Variants in FOXC1 observed in about 807,000 individuals in gnomAD.
The protein encoded by FOXC1 is forkhead box C1.
In FOXC1, 5 loss-of-function variants were observed where a neutral mutation model predicts 8.1. That is an observed-to-expected ratio of 0.62 (90% CI 0.32 to 1.30). FOXC1 has a LOEUF of 1.30. FOXC1 is among the 50% of genes most tolerant of loss of function. FOXC1 has a pLI of 0.05. For missense variants in FOXC1, 942 were observed against 858.0 expected, an observed-to-expected ratio of 1.10 and a Z score of -1.22; for synonymous variants, 552 against 417.2, an observed-to-expected ratio of 1.32 and a Z score of -3.94.
In FOXC1 at chr6:1,611,275, T is replaced by A; in HGVS notation, c.830T>A (p.Leu277Gln). 1 of 1,387,564 alleles carries A rather than the reference T, an allele frequency of 7.2e-7. No individual in the cohort carries two copies. The highest frequency in any genetic ancestry group is 9.3e-7 in the Non-Finnish European group (1 of 1,072,918). The allele number at this position is 1,387,564 out of a possible 1,614,324, so 86.0% of individuals were successfully genotyped here. A position where few individuals can be genotyped will look rare whatever the true frequency, so the allele number is the denominator to read the frequency against. The change falls in exon 1 of 1, where the codon CTG becomes CAG. Residue 277 changes from leucine to glutamine, a missense_variant. By Grantham distance (113) the Leu-to-Gln change is moderately radical. This residue lies in a region of FOXC1 where 726 missense variants were observed against 599.6 expected (regional missense o/e 1.21). Coordinates refer to ENST00000645831, the MANE Select transcript of FOXC1 (RefSeq NM_001453.3). The surrounding 1 kb of genome is among the most constrained non-coding windows in gnomAD (Gnocchi z 7.1). ...LSSGSSPPGS[L>Q]PSARPLSLDG... ...AGCGGGAGCAGCCCCCCGGGCAGCC[T>A]GCCGTCGGCGCGGCCGCTCAGCCTG...
Position 1,610,641 on chromosome 6 carries a change from C to A in FOXC1, c.196C>A (p.Pro66Thr), listed in dbSNP as rs780155404. Residue 66 changes from proline (P) to threonine (T), a missense_variant, in exon 1 of 1, where the codon CCC (proline) becomes ACC (threonine). By Grantham distance (38) the Pro-to-Thr change is conservative. Around this residue, in one of 4 missense-constraint regions of FOXC1, gnomAD observed 190 missense variants for 176.8 expected, o/e 1.07. Coordinates refer to ENST00000645831, the MANE Select transcript of FOXC1 (RefSeq NM_001453.3). The stretch of plus-strand genomic sequence containing the variant: ...GGGCGGCATGGCCCGCGCCTACGGG[C>A]CCTACACGCCGCAGCCGCAGCCCAA... ...YPGGMARAYG[P>T]YTPQPQPKDM... The A allele has an allele frequency of 7.4e-6, 12 of 1,612,880 alleles. No homozygotes were observed. The South Asian group carries it at 1.2e-4, about 16-fold the overall frequency.
chr6:1,611,101 C>T lies in FOXC1; in HGVS notation c.656C>T (p.Pro219Leu), dbSNP rs1328455307. ...GGCAACGCGCCCGGTCCGCAGCCGC[C>T]GCCCGTGCGCATCCAGGACATCAAG... ...ADGNAPGPQP[P>L]PVRIQDIKTE... Residue 219 changes from proline to leucine, a missense_variant, in exon 1 of 1, where the codon CCG (proline) becomes CTG (leucine). Physicochemically the swap from Pro to Leu is moderately conservative, Grantham distance 98. Coordinates refer to ENST00000645831, the MANE Select transcript of FOXC1 (RefSeq NM_001453.3). This position sits in a 1 kb window ranked among gnomAD's most constrained non-coding sequence, Gnocchi z 7.1. 7.3e-7 allele frequency: 1 copy of T among 1,375,918 alleles called. No individual in the cohort carries two copies. The highest frequency in any genetic ancestry group is 1.7e-5 in the South Asian group (1 of 59,940). 85.2% of individuals were successfully genotyped at this position (1,375,918 alleles called of 1,614,324 possible).
chr6:1,611,476 T>C lies in FOXC1; in HGVS notation c.1031T>C (p.Ile344Thr). ...ASAAASSRAGIAPPLALGAYS... is the reference protein window; with the variant it reads ...ASAAASSRAGTAPPLALGAYS... ...GCGGCCGCGTCCTCGCGCGCGGGGA[T>C]CGCACCCCCGCTGGCGCTCGGCGCC... is the stretch of plus-strand genomic sequence containing the variant. The change falls in exon 1 of 1, where the codon ATC becomes ACC. Residue 344 changes from isoleucine to threonine, a missense_variant. Physicochemically the swap from Ile to Thr is moderately conservative, Grantham distance 89. Around this residue, in one of 4 missense-constraint regions of FOXC1, gnomAD observed 726 missense variants for 599.6 expected, o/e 1.21. Coordinates refer to ENST00000645831, the MANE Select transcript of FOXC1 (RefSeq NM_001453.3). This position sits in a 1 kb window ranked among gnomAD's most constrained non-coding sequence, Gnocchi z 7.1. 40 of 1,382,092 alleles carry C rather than the reference T, an allele frequency of 2.9e-5. No individual in the cohort carries two copies. The highest frequency in any genetic ancestry group is 3.7e-5 in the Non-Finnish European group (39 of 1,064,448). 85.6% of individuals were successfully genotyped at this position (1,382,092 alleles called of 1,614,324 possible). A position where few individuals can be genotyped will look rare whatever the true frequency, so the allele number is the denominator to read the frequency against.
rs1281926598 is a variant in FOXC1, at chr6:1,611,633, C to T, written c.1188C>T (p.Asn396=). Residue 396 remains asparagine, a synonymous_variant, in exon 1 of 1, where the codon AAC becomes AAT. Transcript: ENST00000645831. The surrounding 1 kb of genome is among the most constrained non-coding windows in gnomAD (Gnocchi z 7.1). ...GAGGAGTYHC[N]LQAMSLYAAG... ...GCGGCGCCGGGACCTACCACTGCAA[C>T]CTGCAAGCCATGAGCCTGTACGCGG... is the stretch of plus-strand genomic sequence containing the variant. The T allele has an allele frequency of 3.8e-6, 5 of 1,306,058 alleles. No individual in the cohort carries two copies. The highest frequency in any genetic ancestry group is 4.8e-6 in the Non-Finnish European group (5 of 1,035,574). The allele number at this position is 1,306,058 out of a possible 1,614,324, so 80.9% of individuals were successfully genotyped here. A position where few individuals can be genotyped will look rare whatever the true frequency, so the allele number is the denominator to read the frequency against.
chr6:1,611,782 A>ACAG lies in FOXC1; in HGVS notation c.1338_1339insAGC (p.His446_Gly447insSer). The ACAG allele has an allele frequency of 1.4e-6, 2 of 1,440,562 alleles. No individual in the cohort carries two copies. Among genetic ancestry groups the ACAG allele is most frequent in the South Asian group, 1.4e-5 (1 of 73,774 alleles). 89.2% of individuals were successfully genotyped at this position (1,440,562 alleles called of 1,614,324 possible). On this transcript the variant is annotated inframe_insertion, in exon 1 of 1. Coordinates refer to ENST00000645831, the MANE Select transcript of FOXC1 (RefSeq NM_001453.3). The surrounding 1 kb of genome is among the most constrained non-coding windows in gnomAD (Gnocchi z 7.1). ...AGCAGCAGCTCGTCGTCCCTGAGTC[A>ACAG]CGGCGGCGGCGGCGGCGGCGGCGGG...
Position 1,611,317 on chromosome 6 carries a change from C to A in FOXC1, c.872C>A (p.Ala291Glu). 7.1e-7 allele frequency: 1 copy of A among 1,408,190 alleles called. No homozygotes were observed. The highest frequency in any genetic ancestry group is 1.4e-5 in the South Asian group (1 of 71,596). The allele number at this position is 1,408,190 out of a possible 1,614,324, so 87.2% of individuals were successfully genotyped here. A position where few individuals can be genotyped will look rare whatever the true frequency, so the allele number is the denominator to read the frequency against. Residue 291 changes from alanine (A) to glutamate (E), a missense_variant, in exon 1 of 1, where the codon GCG becomes GAG. Physicochemically the swap from Ala to Glu is moderately radical, Grantham distance 107. Coordinates refer to ENST00000645831, the MANE Select transcript of FOXC1 (RefSeq NM_001453.3). This position sits in a 1 kb window ranked among gnomAD's most constrained non-coding sequence, Gnocchi z 7.1. ...CTCAGCCTGGACGGTGCGGATTCCG[C>A]GCCGCCGCCGCCCGCGCCCTCCGCC... is the stretch of plus-strand genomic sequence containing the variant. ...RPLSLDGADS[A>E]PPPPAPSAPP...
In FOXC1 at chr6:1,612,578, C is replaced by T. The variant is rs533280855; in HGVS notation, c.*471C>T. On this transcript the variant is annotated 3_prime_UTR_variant, in exon 1 of 1. Transcript: ENST00000645831. ...TTATGAAAGTCGCTTTCTTTTTATT[C>T]ATGGACTTGTTTTAAAATGTAAATT... 4.0e-6 allele frequency: 1 copy of T among 246,948 alleles called. No homozygotes were observed. Among genetic ancestry groups the T allele is most frequent in the African/African-American group, 2.2e-5 (1 of 44,990 alleles). The allele number at this position is 246,948 out of a possible 1,614,324, so 15.3% of individuals were successfully genotyped here. A position where few individuals can be genotyped will look rare whatever the true frequency, so the allele number is the denominator to read the frequency against.
rs1463929637 is a variant in FOXC1 at position 1,610,787 on chromosome 6, C to T, written c.342C>T (p.Phe114=). Residue 114 remains phenylalanine, a synonymous_variant, in exon 1 of 1, where the codon TTC becomes TTT. Transcript: ENST00000645831. ...AGTTCATCATGGACCGCTTCCCCTT[C>T]TACCGGGACAACAAGCAGGGCTGGC... ...IYQFIMDRFP[F]YRDNKQGWQN... 1 of 1,614,126 alleles carries T rather than the reference C, an allele frequency of 6.2e-7. No individual in the cohort carries two copies. Among genetic ancestry groups the T allele is most frequent in the Admixed American group, 1.7e-5 (1 of 60,034 alleles).
At position 1,611,705 on chromosome 6, in the gene FOXC1, C is replaced by T. The variant is rs1762554182; in HGVS notation, c.1260C>T (p.Gly420=). Reference sequence around the variant, plus strand: ...TGCAGGGCGCGCCCGGGGGCGCGGGCGGCTCGGCCGTGGACGACCCCCTGC... The same window carrying T: ...TGCAGGGCGCGCCCGGGGGCGCGGGTGGCTCGGCCGTGGACGACCCCCTGC... ...GHLQGAPGGA[G]GSAVDDPLPD... is the part of the protein sequence containing the mutation. The change falls in exon 1 of 1, where the codon GGC becomes GGT. Residue 420 remains glycine, a synonymous_variant. Transcript: ENST00000645831. The surrounding 1 kb of genome is among the most constrained non-coding windows in gnomAD (Gnocchi z 7.1). 2.1e-6 allele frequency: 3 copies of T among 1,438,612 alleles called. No homozygotes were observed. Among genetic ancestry groups the T allele is most frequent in the Non-Finnish European group, 2.7e-6 (3 of 1,102,096 alleles). The allele number at this position is 1,438,612 out of a possible 1,614,324, so 89.1% of individuals were successfully genotyped here.
At position 1,612,928 on chromosome 6, in the gene FOXC1, A is replaced by G. The variant is rs571583124; in HGVS notation, c.*821A>G. On this transcript the variant is annotated 3_prime_UTR_variant, in exon 1 of 1. Transcript: ENST00000645831. ...CCTATTCTCCACCTAAATCTCTGAAAAATGGAGAAACCCTCTGACTAGTCC... is the reference window on the plus strand; with the variant it reads ...CCTATTCTCCACCTAAATCTCTGAAGAATGGAGAAACCCTCTGACTAGTCC... 69 of 221,126 alleles carry G rather than the reference A, an allele frequency of 3.1e-4. No homozygotes were observed. Among genetic ancestry groups the G allele is most frequent in the Middle Eastern group, 1.5e-3 (1 of 652 alleles). 13.7% of individuals were successfully genotyped at this position (221,126 alleles called of 1,614,324 possible). A position where few individuals can be genotyped will look rare whatever the true frequency, so the allele number is the denominator to read the frequency against.
rs144066933 is a variant in FOXC1 at position 1,610,883 on chromosome 6, G to C, written c.438G>C (p.Pro146=). 8.1e-6 allele frequency: 13 copies of C among 1,613,890 alleles called. No homozygotes were observed. The highest frequency in any genetic ancestry group is 1.3e-5 in the African/African-American group (1 of 74,898). ...AGGTGCCGCGCGACGACAAGAAGCCGGGCAAGGGCAGCTACTGGACGCTGG... is the reference window on the plus strand; with the variant it reads ...AGGTGCCGCGCGACGACAAGAAGCCCGGCAAGGGCAGCTACTGGACGCTGG... ...FVKVPRDDKK[P]GKGSYWTLDP... Residue 146 remains proline, a synonymous_variant, in exon 1 of 1, where the codon CCG becomes CCC. Transcript: ENST00000645831.
chr6:1,611,139 A>G lies in FOXC1; in HGVS notation c.694A>G (p.Thr232Ala). The change falls in exon 1 of 1, where the codon ACG becomes GCG. Residue 232 changes from threonine (T) to alanine (A), a missense_variant. By Grantham distance (58) the Thr-to-Ala change is moderately conservative (BLOSUM62 0). This residue lies in a region of FOXC1 where 726 missense variants were observed against 599.6 expected (regional missense o/e 1.21). Coordinates refer to ENST00000645831, the MANE Select transcript of FOXC1 (RefSeq NM_001453.3). The surrounding 1 kb of genome is among the most constrained non-coding windows in gnomAD (Gnocchi z 7.1). ...CCAGGACATCAAGACCGAGAACGGT[A>G]CGTGCCCCTCGCCGCCCCAGCCCCT... is the stretch of plus-strand genomic sequence containing the variant. ...RIQDIKTENGTCPSPPQPLSP... is the reference protein window; with the variant it reads ...RIQDIKTENGACPSPPQPLSP... 1 of 1,438,098 alleles carries G rather than the reference A, an allele frequency of 7.0e-7. No homozygotes were observed. Among genetic ancestry groups the G allele is most frequent in the Non-Finnish European group, 9.2e-7 (1 of 1,086,840 alleles). The allele number at this position is 1,438,098 out of a possible 1,614,324, so 89.1% of individuals were successfully genotyped here.
rs775495187 is a variant in FOXC1 at position 1,610,569 on chromosome 6, G to T, written c.124G>T (p.Ala42Ser). ...AAGGGYTAMP[A>S]PMSVYSHPAH... Reference sequence around the variant, plus strand: ...CGGGGGCGGCTACACCGCCATGCCGGCCCCCATGAGCGTGTACTCGCACCC... The same window carrying T: ...CGGGGGCGGCTACACCGCCATGCCGTCCCCCATGAGCGTGTACTCGCACCC... The change falls in exon 1 of 1, where the codon GCC becomes TCC. Residue 42 changes from alanine to serine, a missense_variant. Ala to Ser is a moderately conservative substitution (Grantham distance 99). Transcript: ENST00000645831. 1 of 1,579,128 alleles carries T rather than the reference G, an allele frequency of 6.3e-7. No homozygotes were observed.
Position 1,610,719 on chromosome 6 carries a change from C to A in FOXC1, c.274C>A (p.Gln92Lys). ...SYIALITMAI[Q>K]NAPDKKITLN... ...CATCGCGCTCATCACCATGGCCATC[C>A]AGAACGCCCCGGACAAGAAGATCAC... Residue 92 changes from glutamine to lysine, a missense_variant, in exon 1 of 1, where the codon CAG (glutamine) becomes AAG (lysine). Physicochemically the swap from Gln to Lys is moderately conservative, Grantham distance 53 (BLOSUM62 1). This residue lies in a region of FOXC1 where 190 missense variants were observed against 176.8 expected (regional missense o/e 1.07). Coordinates refer to ENST00000645831, the MANE Select transcript of FOXC1 (RefSeq NM_001453.3). 6.2e-7 allele frequency: 1 copy of A among 1,614,010 alleles called. No individual in the cohort carries two copies. The highest frequency in any genetic ancestry group is 8.5e-7 in the Non-Finnish European group (1 of 1,179,996).
chr6:1,611,173 C>CCGCCGCCCTGGGCAGCGGCAG lies in FOXC1; in HGVS notation c.736_756dup (p.Leu246_Ala252dup). 11 of 1,458,184 alleles carry CCGCCGCCCTGGGCAGCGGCAG rather than the reference C, an allele frequency of 7.5e-6. No individual in the cohort carries two copies. The highest frequency in any genetic ancestry group is 1.5e-5 in the African/African-American group (1 of 67,472). 90.3% of individuals were successfully genotyped at this position (1,458,184 alleles called of 1,614,324 possible). A position where few individuals can be genotyped will look rare whatever the true frequency, so the allele number is the denominator to read the frequency against. ...TCGCCGCCCCAGCCCCTGTCCCCGGCCGCCGCCCTGGGCAGCGGCAGCGCC... is the reference window on the plus strand; with the variant it reads ...TCGCCGCCCCAGCCCCTGTCCCCGGCCGCCGCCCTGGGCAGCGGCAGCGCCGCCCTGGGCAGCGGCAGCGCC... On this transcript the variant is annotated inframe_insertion, in exon 1 of 1. Coordinates refer to ENST00000645831, the MANE Select transcript of FOXC1 (RefSeq NM_001453.3). The surrounding 1 kb of genome is among the most constrained non-coding windows in gnomAD (Gnocchi z 7.1).
chr6:1,612,020 G>C lies in FOXC1; in HGVS notation c.1575G>C (p.Gly525=). ...GCTTGAACAACTCTCCAGTGAACGG[G>C]AATAGTAGCTGTCAAATGGCCTTCC... ...RIGLNNSPVN[G]NSSCQMAFPS... The change falls in exon 1 of 1, where the codon GGG becomes GGC. Residue 525 remains glycine, a synonymous_variant. Transcript: ENST00000645831. 3 of 1,613,452 alleles carry C rather than the reference G, an allele frequency of 1.9e-6. No homozygotes were observed. Among genetic ancestry groups the C allele is most frequent in the Non-Finnish European group, 2.5e-6 (3 of 1,179,992 alleles).
In FOXC1 at chr6:1,610,897, A is replaced by G. The variant is rs775317870; in HGVS notation, c.452A>G (p.Tyr151Cys). The change falls in exon 1 of 1, where the codon TAC becomes TGC. Residue 151 changes from tyrosine to cysteine, a missense_variant. This residue lies in a region of FOXC1 where 26 missense variants were observed against 65.5 expected (regional missense o/e 0.40). Transcript: ENST00000645831. The stretch of plus-strand genomic sequence containing the variant: ...GACAAGAAGCCGGGCAAGGGCAGCT[A>G]CTGGACGCTGGACCCGGACTCCTAC... ...RDDKKPGKGS[Y>C]WTLDPDSYNM... The G allele has an allele frequency of 6.2e-7, 1 of 1,613,854 alleles. No homozygotes were observed. The highest frequency in any genetic ancestry group is 8.5e-7 in the Non-Finnish European group (1 of 1,179,984).
chr6:1,612,787 T>G lies in FOXC1; in HGVS notation c.*680T>G, dbSNP rs1762579267. 2 of 207,728 alleles carry G rather than the reference T, an allele frequency of 9.6e-6. No individual in the cohort carries two copies. Among genetic ancestry groups the G allele is most frequent in the Admixed American group, 6.1e-5 (1 of 16,332 alleles). The allele number at this position is 207,728 out of a possible 1,614,324, so 12.9% of individuals were successfully genotyped here. Reference sequence around the variant, plus strand: ...TCTTTCTTTTTGTTGAACATATTCATTGTTTGTTTATTAATAAATTACCAT... The same window carrying G: ...TCTTTCTTTTTGTTGAACATATTCAGTGTTTGTTTATTAATAAATTACCAT... On this transcript the variant is annotated 3_prime_UTR_variant, in exon 1 of 1. Coordinates refer to ENST00000645831, the MANE Select transcript of FOXC1 (RefSeq NM_001453.3).
At position 1,610,313 on chromosome 6, in the gene FOXC1, C is replaced by T; in HGVS notation, c.-133C>T. The T allele has an allele frequency of 5.2e-6, 2 of 384,410 alleles. No individual in the cohort carries two copies. The highest frequency in any genetic ancestry group is 7.1e-6 in the Non-Finnish European group (2 of 282,296). 23.8% of individuals were successfully genotyped at this position (384,410 alleles called of 1,614,324 possible). A position where few individuals can be genotyped will look rare whatever the true frequency, so the allele number is the denominator to read the frequency against. ...GCGCCGGGAGAGGCGGCAGCGCAGC[C>T]GGACGCACAGCGCAGCGGGCCGGCA... On this transcript the variant is annotated 5_prime_UTR_variant, in exon 1 of 1. Transcript: ENST00000645831.
Sources: allele counts gnomAD v4.1 joint callset, GRCh38; gene constraint gnomAD v4.1.1; regional missense constraint gnomAD v4.1.1; non-coding constraint Gnocchi (gnomAD v3.1); transcripts MANE v1.5; gene names NCBI Gene and HGNC (gene_info 2026-07-23, HGNC 2026-07-21).